The following MYO7A variants were observed in gnomAD, a reference collection of about 807,000 sequenced individuals.
MYO7A encodes unconventional myosin-VIIa.
A neutral mutation model predicts 263.8 loss-of-function variants in MYO7A; 210 were observed. That is an observed-to-expected ratio of 0.80 (90% CI 0.71 to 0.89). The LOEUF is 0.89. Ranked by LOEUF, MYO7A falls within the 40% of genes least tolerant of loss-of-function variation. The probability of loss-of-function intolerance (pLI) is 0.00; values close to 1 mark genes in which losing one functional copy is unlikely to be tolerated. For synonymous variants in MYO7A, 1,239 were observed against 1,197.3 expected, an observed-to-expected ratio of 1.03 and a Z score of -0.72; for missense variants, 2,820 against 2,968.3, an observed-to-expected ratio of 0.95 and a Z score of 1.16.
At position 77,179,835 on chromosome 11, in the gene MYO7A, G is replaced by T; in HGVS notation, c.2468G>T (p.Arg823Leu). Residue 823 changes from arginine (R) to leucine (L), a missense_variant, in exon 21 of 49, where the codon CGC becomes CTC. By Grantham distance (102) the Arg-to-Leu change is moderately radical (BLOSUM62 -2). Coordinates refer to ENST00000409709, the MANE Select transcript of MYO7A (RefSeq NM_000260.4). ...ARQRIIQFQA[R>L]CRAYLVRKAF... ...CAGCGCATCATCCAGTTCCAGGCCC[G>T]CTGCCGCGCCTATCTGGTGCGCAAG... is the stretch of plus-strand genomic sequence containing the variant. 2 of 1,543,552 alleles carry T rather than the reference G, an allele frequency of 1.3e-6. No homozygotes were observed. Among genetic ancestry groups the T allele is most frequent in the Non-Finnish European group, 1.7e-6 (2 of 1,147,088 alleles).
chr11:77,178,945 G>T (rs1446615084), intron 19 of MYO7A, 100 bp from the exon 20 acceptor site: 2 of 886,978 alleles, frequency 2.3e-6, no homozygotes, highest in East Asian at 5.3e-5. Flanking sequence ...TAGCTAGGAA[G>T]TCACAGAGCT....
At position 77,159,463 on chromosome 11, in the gene MYO7A, C is replaced by T; in HGVS notation, c.1020C>T (p.Asn340=). 3 of 1,350,012 alleles carry T rather than the reference C, an allele frequency of 2.2e-6. No homozygotes were observed. The highest frequency in any genetic ancestry group is 2.9e-6 in the Non-Finnish European group (3 of 1,016,966). The allele number at this position is 1,350,012 out of a possible 1,614,324, so 83.6% of individuals were successfully genotyped here. A position where few individuals can be genotyped will look rare whatever the true frequency, so the allele number is the denominator to read the frequency against. The change falls in exon 10 of 49, where the codon AAC becomes AAT. Residue 340 remains asparagine (N), a synonymous_variant. Coordinates refer to ENST00000409709, the MANE Select transcript of MYO7A (RefSeq NM_000260.4). ...TGCCAACAGCACGCACATTTGAAAA[C>T]CTGGATGCCTGTGAGGTTCTCTTCT... ...NLQYEARTFE[N]LDACEVLFSP... is the part of the protein sequence containing the mutation.
At chr11:77,212,580 G>C in intron 46 of MYO7A, 1 of 356,962 alleles carries the variant, frequency 2.8e-6, no homozygotes, top group South Asian at 2.6e-5. Flanking sequence ...TGAGGAGGCT[G>C]GTGTGAGAGG....
At chr11:77,184,917 A>AC in intron 27 of MYO7A, 1 of 881,258 alleles carries the variant, frequency 1.1e-6, no homozygotes. Flanking sequence ...GAATCCTAAA[A>AC]CAGGCATCCC....
chr11:77,163,103 C>CATATAT (rs55700684), intron 14 of MYO7A, 115 bp downstream of exon 14: 409 of 898,570 alleles, frequency 4.6e-4, no homozygotes, highest in Middle Eastern at 2.9e-3. Context: ...TGTGATTATT[C>CATATAT]ATATATATAT....
At position 77,172,668 on chromosome 11, in the gene MYO7A, C is replaced by T. The variant is rs1954211099; in HGVS notation, c.1798-80C>T. 12 of 1,528,946 alleles carry T rather than the reference C, an allele frequency of 7.8e-6. No homozygotes were observed. The Admixed American group carries it at 1.4e-4, about 18-fold the overall frequency. 94.7% of individuals were successfully genotyped at this position (1,528,946 alleles called of 1,614,324 possible). ...AACCCTGACCCCGCTGACCTCCCCTCCCGCTTCCTACTGGGCGGCTCCTGG... is the reference window on the plus strand; with the variant it reads ...AACCCTGACCCCGCTGACCTCCCCTTCCGCTTCCTACTGGGCGGCTCCTGG... On this transcript the variant is annotated intron_variant, in intron 15 of 48. Coordinates refer to ENST00000409709, the MANE Select transcript of MYO7A (RefSeq NM_000260.4).
intron 46 of MYO7A, 56 bp from the exon 47 acceptor site, chr11:77,212,896 C>T: frequency 7.3e-6 from 10 of 1,371,610 alleles, no homozygotes; most frequent in Middle Eastern, 1.8e-4. Context: ...TTCCTGTCCC[C>T]AAATGCTTTT....
chr11:77,155,791 T>C, intron 4 of MYO7A, 116 bp from the exon 5 acceptor site: 1 of 1,202,916 alleles, frequency 8.3e-7, no homozygotes, highest in Admixed American at 2.9e-5. Flanking sequence ...CCCACATGAC[T>C]CCAAAGCCAG....
In MYO7A at chr11:77,214,783, A is replaced by G; in HGVS notation, c.*87A>G. ...TCAGCTACCCCTGCAGCTGGGGAAG[A>G]CTTATGCCATCCCGGCAGCGAGGCT... is the stretch of plus-strand genomic sequence containing the variant. On this transcript the variant is annotated 3_prime_UTR_variant, in exon 49 of 49. Transcript: ENST00000409709. 8.8e-7 allele frequency: 1 copy of G among 1,131,710 alleles called. No homozygotes were observed. The highest frequency in any genetic ancestry group is 1.3e-6 in the Non-Finnish European group (1 of 781,982). The allele number at this position is 1,131,710 out of a possible 1,614,324, so 70.1% of individuals were successfully genotyped here. A position where few individuals can be genotyped will look rare whatever the true frequency, so the allele number is the denominator to read the frequency against.
rs555466415 is a variant in MYO7A, at chr11:77,190,769, G to A, written c.3823G>A (p.Asp1275Asn). 1.9e-6 allele frequency: 3 copies of A among 1,599,364 alleles called. No homozygotes were observed. The highest frequency in any genetic ancestry group is 3.4e-5 in the Admixed American group (2 of 58,098). The change falls in exon 30 of 49, where the codon GAC becomes AAC. Residue 1275 changes from aspartate (D) to asparagine (N), a missense_variant. Asp to Asn is a conservative substitution (Grantham distance 23). Coordinates refer to ENST00000409709, the MANE Select transcript of MYO7A (RefSeq NM_000260.4). Reference sequence around the variant, plus strand: ...TGGGACCACCAAGACCCTGCTGACGGACTCGGCAACCACGGCCAAGGAGCT... The same window carrying A: ...TGGGACCACCAAGACCCTGCTGACGAACTCGGCAACCACGGCCAAGGAGCT... ...MDGTTKTLLT[D>N]SATTAKELCN...
intron 2 of MYO7A, among the ~76,000 whole-genome samples, chr11:77,141,470 A>G (rs1369221352): frequency 1.3e-5 from 2 of 152,104 alleles, no homozygotes; most frequent in Admixed American, 6.5e-5. Context: ...TTTACTTGAT[A>G]TTAAGTTATA....
chr11:77,203,503 A>G (rs990747876), intron 38 of MYO7A, among the ~76,000 whole-genome samples: 1 of 152,296 alleles, frequency 6.6e-6, no homozygotes, highest in Admixed American at 6.5e-5. Context: ...CCATACACAC[A>G]TCCAGATCAA....
rs1051388165 is a variant in MYO7A at position 77,166,101 on chromosome 11, A to G, written c.1736A>G (p.Gln579Arg). ...NRDTLHGDII[Q>R]LVHSSRNKFI... is the part of the protein sequence containing the mutation. ...GACACCCTGCATGGGGACATTATCC[A>G]GCTGGTCCACTCCTCCAGGAACAAG... The change falls in exon 15 of 49, where the codon CAG becomes CGG. Residue 579 changes from glutamine (Q) to arginine (R), a missense_variant. Transcript: ENST00000409709. 1 of 1,613,894 alleles carries G rather than the reference A, an allele frequency of 6.2e-7. No homozygotes were observed. Among genetic ancestry groups the G allele is most frequent in the South Asian group, 1.1e-5 (1 of 91,076 alleles).
chr11:77,211,725 G>C (rs1013705403), intron 45 of MYO7A, 96 bp from the exon 46 acceptor site: 11 of 904,288 alleles, frequency 1.2e-5, no homozygotes, highest in Non-Finnish European at 3.6e-6. Flanking sequence ...GAGTGGGCAG[G>C]GGTGGTGTGG....
rs782494913 is a variant in MYO7A at position 77,162,219 on chromosome 11, C to A, written c.1443C>A (p.Ser481Arg). The A allele has an allele frequency of 1.1e-5, 18 of 1,583,114 alleles. No homozygotes were observed. In the African/African-American group the frequency reaches 1.2e-4, roughly 11 times the overall value. Residue 481 changes from serine to arginine, a missense_variant, in exon 13 of 49, where the codon AGC becomes AGA. Coordinates refer to ENST00000409709, the MANE Select transcript of MYO7A (RefSeq NM_000260.4). ...KLEQEEYDLE[S>R]IDWLHIEFTD... ...AGCAGGAGGAATATGACCTGGAGAG[C>A]ATTGACTGGCTGCACATCGAGTTCA...
At position 77,214,858 on chromosome 11, in the gene MYO7A, C is replaced by G. The variant is rs1239452194; in HGVS notation, c.*162C>G. 5.0e-6 allele frequency: 3 copies of G among 599,370 alleles called. No individual in the cohort carries two copies. Among genetic ancestry groups the G allele is most frequent in the Non-Finnish European group, 8.8e-6 (3 of 340,456 alleles). The allele number at this position is 599,370 out of a possible 1,614,324, so 37.1% of individuals were successfully genotyped here. ...TACCAACTGGGCCTCTGATGTTCTT[C>G]CAGTGAGGCATCTCTCTGGGATGCA... On this transcript the variant is annotated 3_prime_UTR_variant, in exon 49 of 49. Transcript: ENST00000409709.
At chr11:77,195,202 C>T (rs1190885933) in intron 32 of MYO7A, among the ~76,000 whole-genome samples, 1 of 152,178 alleles carries the variant, frequency 6.6e-6, no homozygotes, top group Non-Finnish European at 1.5e-5. Flanking sequence ...CCCTGTGCCA[C>T]CCTCCACCTG....
intron 40 of MYO7A, 90 bp downstream of exon 40, chr11:77,205,707 C>A (rs1957405046): frequency 1.3e-6 from 2 of 1,543,014 alleles, no homozygotes; most frequent in Admixed American, 1.8e-5. Flanking sequence ...GGATGAGGAC[C>A]ACATAGCAGT....
intron 32 of MYO7A, among the ~76,000 whole-genome samples, chr11:77,195,782 G>A (rs907728852): frequency 6.6e-6 from 1 of 152,208 alleles, no homozygotes; most frequent in Non-Finnish European, 1.5e-5. Flanking sequence ...AGGGTGCATT[G>A]TTCATTTTCT....
Sources: gnomAD v4.1 joint callset for allele counts (sites outside exome capture counted in the v4.1 genomes callset) on GRCh38, gnomAD v4.1.1 for gene constraint, MANE v1.5 for transcripts, NCBI Gene and HGNC (gene_info 2026-07-23, HGNC 2026-07-21) for gene names.